ASIC5: variants seen among roughly 807,000 people sequenced by gnomAD.
The protein encoded by ASIC5 is bile acid-sensitive ion channel.
Under a neutral mutation model 51.2 loss-of-function variants are expected in ASIC5, and 52 were observed. That is an observed-to-expected ratio of 1.02 (90% confidence interval 0.81 to 1.28). The LOEUF is 1.28. ASIC5 is among the 50% of genes most tolerant of loss of function. The probability of loss-of-function intolerance (pLI) is 0.00; values close to 1 mark genes in which losing one functional copy is unlikely to be tolerated. For missense variants in ASIC5, 635 were observed against 595.0 expected (o/e 1.07, Z -0.70); for synonymous variants, 231 against 200.7 (o/e 1.15, Z -1.28).
chr4:155,841,069 C>T (rs1003672711), intron 6 of ASIC5, among the ~76,000 whole-genome samples: 19 of 152,058 alleles, frequency 1.2e-4, no homozygotes, highest in East Asian at 3.9e-4. Flanking sequence ...CTCTTATCTC[C>T]GAATACTCAG....
intron 2 of ASIC5, among the ~76,000 whole-genome samples, chr4:155,855,929 G>T (rs1205508592): frequency 6.6e-6 from 1 of 151,928 alleles, no homozygotes; most frequent in Non-Finnish European, 1.5e-5. Flanking sequence ...CATTTGCTAG[G>T]TATAGGAGAG....
chr4:155,866,195 G>T lies in ASIC5; in HGVS notation c.32C>A (p.Ala11Asp). The change falls in exon 1 of 10, where the codon GCT becomes GAT. Residue 11 changes from alanine (A) to aspartate (D), a missense_variant. Ala to Asp is a moderately radical substitution (Grantham distance 126). Transcript: ENST00000537611. ...GTTCACTCTTTACTCACCGTTCTCA[G>T]CATATACTTTTGATTTTTCTGTCTG... MEQTEKSKVY[A>D]ENGLLEKIKL... is the part of the protein sequence containing the mutation. 6.2e-7 allele frequency: 1 copy of T among 1,605,426 alleles called. No homozygotes were observed.
intron 1 of ASIC5, among the ~76,000 whole-genome samples, chr4:155,865,359 A>T (rs938149358): frequency 2.6e-5 from 4 of 152,106 alleles, no homozygotes; most frequent in African/African-American, 9.6e-5. Context: ...AATTAGCAAA[A>T]TATATTTAAA....
chr4:155,853,292 T>C (rs375738019), intron 3 of ASIC5, among the ~76,000 whole-genome samples: 11 of 152,092 alleles, frequency 7.2e-5, no homozygotes, highest in African/African-American at 2.4e-4. Context: ...GCTTACTGTG[T>C]GCTAAGGCGG....
chr4:155,830,408 G>T (rs896424768), intron 9 of ASIC5, among the ~76,000 whole-genome samples: 1 of 152,142 alleles, frequency 6.6e-6, no homozygotes, highest in Non-Finnish European at 1.5e-5. Context: ...GGCACTACTG[G>T]ATGATGATGT....
At chr4:155,854,041 T>C in intron 3 of ASIC5, 36 bp downstream of exon 3, 1 of 1,476,058 alleles carries the variant, frequency 6.8e-7, no homozygotes, top group Non-Finnish European at 9.4e-7. Context: ...CGGAACTTAT[T>C]ACTTTGATTA....
rs1741155459 is a variant in ASIC5 at position 155,842,975 on chromosome 4, C to G, written c.862-621G>C. 2.0e-5 allele frequency among the ~76,000 whole-genome samples: 3 copies of G among 152,242 alleles called. No individual in the cohort carries two copies. In the South Asian group the frequency reaches 6.2e-4, roughly 32 times the overall value. ...GGAACATGAGAGGCCAGGCTCCTCC[C>G]CACTGCAAACAGTGCAAACTTCCCA... is the stretch of plus-strand genomic sequence containing the variant. On this transcript the variant is annotated intron_variant, in intron 5 of 9. Coordinates refer to ENST00000537611, the MANE Select transcript of ASIC5 (RefSeq NM_017419.3).
At chr4:155,831,080 A>T (rs753935170) in intron 9 of ASIC5, among the ~76,000 whole-genome samples, 2 of 152,114 alleles carry the variant, frequency 1.3e-5, no homozygotes, top group African/African-American at 2.4e-5. Flanking sequence ...ATTAGCCATT[A>T]TGTTTATTAG....
chr4:155,847,776 A>G (rs1446554043), intron 4 of ASIC5, among the ~76,000 whole-genome samples: 2 of 152,018 alleles, frequency 1.3e-5, no homozygotes, highest in Non-Finnish European at 2.9e-5. Context: ...GGGGCCAGAA[A>G]TTAAAGCCAT....
rs564413034 is a variant in ASIC5, at chr4:155,857,249, A to G, written c.348-2935T>C. Among the ~76,000 whole-genome samples, 454 of 151,980 alleles carry G rather than the reference A, an allele frequency of 3.0e-3. 1 individual carries two copies. The highest frequency in any genetic ancestry group is 5.1e-3 in the Non-Finnish European group (348 of 67,954). Reference sequence around the variant, plus strand: ...AGCAATCCTCCCACTTCAGCCCCCCACATAGCTGGAACTACAGGTGTACAC... The same window carrying G: ...AGCAATCCTCCCACTTCAGCCCCCCGCATAGCTGGAACTACAGGTGTACAC... On this transcript the variant is annotated intron_variant, in intron 2 of 9. Coordinates refer to ENST00000537611, the MANE Select transcript of ASIC5 (RefSeq NM_017419.3).
At chr4:155,833,239 C>T (rs1740909364) in intron 8 of ASIC5, among the ~76,000 whole-genome samples, 1 of 152,078 alleles carries the variant, frequency 6.6e-6, no homozygotes, top group African/African-American at 2.4e-5. Context: ...CAATATTACC[C>T]TGTCAGTGTT....
At chr4:155,860,629 A>G (rs1741678437) in intron 2 of ASIC5, among the ~76,000 whole-genome samples, 1 of 151,906 alleles carries the variant, frequency 6.6e-6, no homozygotes, top group Non-Finnish European at 1.5e-5. Flanking sequence ...TAATTTTCTT[A>G]TAATTAAGAA....
intron 4 of ASIC5, among the ~76,000 whole-genome samples, chr4:155,851,364 T>A (rs898150759): frequency 1.1e-4 from 16 of 152,114 alleles, no homozygotes; most frequent in African/African-American, 3.9e-4. Flanking sequence ...TACTGGAAAT[T>A]CTTTAAAAGT....
At position 155,852,219 on chromosome 4, in the gene ASIC5, C is replaced by A; in HGVS notation, c.683G>T (p.Gly228Val). Residue 228 changes from glycine (G) to valine (V), a missense_variant, in exon 4 of 10, where the codon GGT becomes GTT. Gly to Val is a moderately radical substitution (Grantham distance 109). Transcript: ENST00000537611. ...AKRKVSVSGR[G>V]LSLLFNVNQE... is the part of the protein sequence containing the mutation. ...ATTCACATTGAAGAGTAAGCTCAAA[C>A]CTCTTCCAGAGACACTCACTTTTCT... 6.2e-7 allele frequency: 1 copy of A among 1,611,392 alleles called. No homozygotes were observed. The highest frequency in any genetic ancestry group is 8.5e-7 in the Non-Finnish European group (1 of 1,178,586).
chr4:155,862,649 T>C (rs1741740654), intron 2 of ASIC5, among the ~76,000 whole-genome samples: 1 of 152,080 alleles, frequency 6.6e-6, no homozygotes, highest in Non-Finnish European at 1.5e-5. Flanking sequence ...TGAGTTGCAG[T>C]CAAGGACTCA....
intron 4 of ASIC5, among the ~76,000 whole-genome samples, chr4:155,846,589 A>T (rs1405139215): frequency 6.6e-6 from 1 of 152,136 alleles, no homozygotes; most frequent in Non-Finnish European, 1.5e-5. Flanking sequence ...TGGAGGTTAG[A>T]AGCAAGATGG....
At chr4:155,861,250 G>T (rs1040929852) in intron 2 of ASIC5, among the ~76,000 whole-genome samples, 4 of 151,904 alleles carry the variant, frequency 2.6e-5, no homozygotes, top group Admixed American at 2.6e-4. Context: ...AGTGTTCTAA[G>T]GATGTTTGCA....
chr4:155,863,456 A>G lies in ASIC5; in HGVS notation c.339T>C (p.Asn113=), dbSNP rs34566545. ...AAAAAAGTAATTTTTACCTGTTCAA[A>G]TTACAAAATGTCACAGCTGGGAACT... ...KMEFPAVTFC[N]LNRFQTDAVA... is the part of the protein sequence containing the mutation. Residue 113 remains asparagine, a synonymous_variant, in exon 2 of 10, where the codon AAT becomes AAC. Transcript: ENST00000537611. 23,393 of 1,610,264 alleles carry G rather than the reference A, an allele frequency of 0.015. 272 individuals carry two copies. The highest frequency in any genetic ancestry group is 0.016 in the Non-Finnish European group (19,191 of 1,177,276).
intron 4 of ASIC5, among the ~76,000 whole-genome samples, chr4:155,851,701 C>T (rs535776811): frequency 6.6e-6 from 1 of 152,030 alleles, no homozygotes; most frequent in African/African-American, 2.4e-5. Flanking sequence ...TTTCAGCTTT[C>T]CAAAAGCTGG....
Sources: allele counts gnomAD v4.1 joint callset (sites outside exome capture counted in the v4.1 genomes callset), GRCh38; gene constraint gnomAD v4.1.1; transcripts MANE v1.5; gene names NCBI Gene and HGNC (gene_info 2026-07-23, HGNC 2026-07-21).